The following ZNF506 variants were observed in gnomAD, a reference collection of about 807,000 sequenced individuals.
ZNF506 encodes the protein zinc finger protein 506.
In ZNF506, 10 loss-of-function variants were observed where a neutral mutation model predicts 11.6. That is an observed-to-expected ratio of 0.86 (90% CI 0.53 to 1.46). The LOEUF (loss-of-function observed/expected upper bound fraction) is 1.46. Among genes scored for constraint, ZNF506 ranks in the 40% most tolerant of loss-of-function variants. The probability of loss-of-function intolerance (pLI) is 0.00; values close to 1 mark genes in which losing one functional copy is unlikely to be tolerated. For missense variants in ZNF506, 425 were observed against 521.2 expected (o/e 0.82, Z 1.80); for synonymous variants, 156 against 173.3 (o/e 0.90, Z 0.78).
intron 1 of ZNF506, among the ~76,000 whole-genome samples, chr19:19,814,770 T>C (rs79542799): frequency 0.019 from 2,876 of 152,064 alleles, 96 homozygotes; most frequent in African/African-American, 0.065. Context: ...TTGGTACAGA[T>C]AGTGGTCCCA....
At position 19,794,065 on chromosome 19, in the gene ZNF506, T is replaced by A. The variant is rs2062716715; in HGVS notation, c.*487A>T. 1 of 156,466 alleles carries A rather than the reference T, an allele frequency of 6.4e-6. No homozygotes were observed. Among genetic ancestry groups the A allele is most frequent in the East Asian group, 1.9e-4 (1 of 5,238 alleles). 9.7% of individuals were successfully genotyped at this position (156,466 alleles called of 1,614,324 possible). ...TGGCTCATGCCTGTCATCTCAGCAC[T>A]TTAGGATGCCGAGGTGGGTGGACCA... On this transcript the variant is annotated 3_prime_UTR_variant, in exon 4 of 4. Coordinates refer to ENST00000540806, the MANE Select transcript of ZNF506 (RefSeq NM_001099269.3).
At chr19:19,810,918 G>T (rs1370372836) in intron 1 of ZNF506, among the ~76,000 whole-genome samples, 1 of 152,170 alleles carries the variant, frequency 6.6e-6, no homozygotes, top group East Asian at 1.9e-4. Context: ...TCCATGGTAG[G>T]GTCAGAACTA....
chr19:19,796,355 C>G (rs1219265752), intron 3 of ZNF506: 2 of 152,208 alleles, frequency 1.3e-5, no homozygotes, highest in South Asian at 4.2e-4. Context: ...TTGGCACATA[C>G]ATCTTTATTT....
intron 1 of ZNF506, among the ~76,000 whole-genome samples, chr19:19,808,285 G>T (rs905648802): frequency 6.6e-6 from 1 of 150,616 alleles, no homozygotes; most frequent in Non-Finnish European, 1.5e-5. Context: ...CACCAGGCCC[G>T]GCTAATTTTT....
In ZNF506 at chr19:19,793,495, T is replaced by C. The variant is rs1372233246; in HGVS notation, c.*1057A>G. Among the ~76,000 whole-genome samples, 1 of 152,206 alleles carries C rather than the reference T, an allele frequency of 6.6e-6. No homozygotes were observed. The highest frequency in any genetic ancestry group is 1.5e-5 in the Non-Finnish European group (1 of 68,034). ...AAGCTGGAGCAACTGCTTCAGGTTT[T>C]CCTCTAGTACACAATGTGTGCAACA... On this transcript the variant is annotated 3_prime_UTR_variant, in exon 4 of 4. Transcript: ENST00000540806.
rs1039193342 is a variant in ZNF506, at chr19:19,800,384, T to TA, written c.227-4725dup. Among the ~76,000 whole-genome samples, 158 of 97,260 alleles carry TA rather than the reference T, an allele frequency of 1.6e-3. 3 individuals carry two copies. Among genetic ancestry groups the TA allele is most frequent in the African/African-American group, 5.7e-3 (144 of 25,388 alleles). The allele number at this position is 97,260 out of a possible 152,430, so 63.8% of individuals were successfully genotyped here. On this transcript the variant is annotated intron_variant, in intron 3 of 3. Coordinates refer to ENST00000540806, the MANE Select transcript of ZNF506 (RefSeq NM_001099269.3). ...AATATGTCAACATAATTAATATAACTAAACAGAATATATATATATATATAT... is the reference window on the plus strand; with the variant it reads ...AATATGTCAACATAATTAATATAACTAAAACAGAATATATATATATATATAT...
At chr19:19,805,801 C>T (rs2062831219) in intron 3 of ZNF506, among the ~76,000 whole-genome samples, 2 of 151,546 alleles carry the variant, frequency 1.3e-5, no homozygotes, top group African/African-American at 4.9e-5. Context: ...GAAGGAAGCT[C>T]ACCGAAAGAA....
In ZNF506 at chr19:19,795,442, C is replaced by G; in HGVS notation, c.445G>C (p.Glu149Gln). The G allele has an allele frequency of 6.3e-7, 1 of 1,595,836 alleles. No homozygotes were observed. Among genetic ancestry groups the G allele is most frequent in the Non-Finnish European group, 8.5e-7 (1 of 1,173,156 alleles). ...AATTTATGCAAGAATTTCACATATTCATCACATTGAAATATTTTTCTCTGG... is the reference window on the plus strand; with the variant it reads ...AATTTATGCAAGAATTTCACATATTGATCACATTGAAATATTTTTCTCTGG... ...TTQRKIFQCD[E>Q]YVKFLHKFSN... is the part of the protein sequence containing the mutation. Residue 149 changes from glutamate (E) to glutamine (Q), a missense_variant, in exon 4 of 4, where the codon GAA becomes CAA. Coordinates refer to ENST00000540806, the MANE Select transcript of ZNF506 (RefSeq NM_001099269.3).
At position 19,792,968 on chromosome 19, in the gene ZNF506, T is replaced by C. The variant is rs1208914559; in HGVS notation, c.*1584A>G. Among the ~76,000 whole-genome samples, 4 of 152,198 alleles carry C rather than the reference T, an allele frequency of 2.6e-5. No homozygotes were observed. Among genetic ancestry groups the C allele is most frequent in the Admixed American group, 6.5e-5 (1 of 15,280 alleles). ...ACATTTTAATGTCCTTATTCTTTTATAGAAAAGGTCATAATACCCAATAAA... is the reference window on the plus strand; with the variant it reads ...ACATTTTAATGTCCTTATTCTTTTACAGAAAAGGTCATAATACCCAATAAA... On this transcript the variant is annotated 3_prime_UTR_variant, in exon 4 of 4. Transcript: ENST00000540806.
intron 3 of ZNF506, among the ~76,000 whole-genome samples, chr19:19,801,402 G>A (rs2062791170): frequency 6.6e-6 from 1 of 151,746 alleles, no homozygotes; most frequent in East Asian, 1.9e-4. Flanking sequence ...AGCTAAGGCA[G>A]AAGAATCGCT....
At chr19:19,810,849 G>C (rs1362119887) in intron 1 of ZNF506, among the ~76,000 whole-genome samples, 1 of 152,172 alleles carries the variant, frequency 6.6e-6, no homozygotes, top group African/African-American at 2.4e-5. Flanking sequence ...CTCTAGAAAT[G>C]CAGTAGGATT....
In ZNF506 at chr19:19,795,074, G is replaced by A; in HGVS notation, c.813C>T (p.Thr271=). ...TATGAATTTTCTTATGTGAAAAAAG[G>A]GTTGCAGGGTGGTTAAAAGCTTTGC... ...ECGKAFNHPA[T]LFSHKKIHTG... Residue 271 remains threonine (T), a synonymous_variant, in exon 4 of 4, where the codon ACC becomes ACT. Coordinates refer to ENST00000540806, the MANE Select transcript of ZNF506 (RefSeq NM_001099269.3). 1.2e-6 allele frequency: 2 copies of A among 1,613,742 alleles called. No homozygotes were observed. Among genetic ancestry groups the A allele is most frequent in the South Asian group, 1.1e-5 (1 of 91,056 alleles).
rs1159638806 is a variant in ZNF506 at position 19,794,751 on chromosome 19, G to C, written c.1136C>G (p.Thr379Ser). 1.2e-6 allele frequency: 2 copies of C among 1,611,720 alleles called. No individual in the cohort carries two copies. Among genetic ancestry groups the C allele is most frequent in the Non-Finnish European group, 1.7e-6 (2 of 1,179,266 alleles). ...YKCEECGKAF[T>S]AFSTLTEHKI... ...ATGTTCAGTTAGAGTTGAGAATGCA[G>C]TAAAGGCTTTGCCACATTCTTCACA... The change falls in exon 4 of 4, where the codon ACT (threonine) becomes AGT (serine). Residue 379 changes from threonine to serine, a missense_variant. Physicochemically the swap from Thr to Ser is moderately conservative, Grantham distance 58 (BLOSUM62 1). This residue lies in a region of ZNF506 where 192 missense variants were observed against 215.7 expected (regional missense o/e 0.89). Coordinates refer to ENST00000540806, the MANE Select transcript of ZNF506 (RefSeq NM_001099269.3).
At position 19,794,377 on chromosome 19, in the gene ZNF506, G is replaced by T; in HGVS notation, c.*175C>A. The stretch of plus-strand genomic sequence containing the variant: ...TATTCTTCACACTTGTAGGGTTTCT[G>T]TCCAGTATAAATTATGTGTAATAAG... On this transcript the variant is annotated 3_prime_UTR_variant, in exon 4 of 4. Transcript: ENST00000540806. 1.7e-6 allele frequency: 1 copy of T among 588,968 alleles called. No individual in the cohort carries two copies. The highest frequency in any genetic ancestry group is 2.9e-6 in the Non-Finnish European group (1 of 347,470). The allele number at this position is 588,968 out of a possible 1,614,324, so 36.5% of individuals were successfully genotyped here. A position where few individuals can be genotyped will look rare whatever the true frequency, so the allele number is the denominator to read the frequency against.
intron 1 of ZNF506, among the ~76,000 whole-genome samples, chr19:19,814,010 T>G (rs1491001230): frequency 6.6e-6 from 1 of 151,760 alleles, no homozygotes; most frequent in East Asian, 1.9e-4. Context: ...AAAGATTTAG[T>G]AAAAACAAAA....
chr19:19,815,065 G>A (rs564269466), intron 1 of ZNF506, among the ~76,000 whole-genome samples: 20 of 152,198 alleles, frequency 1.3e-4, no homozygotes, highest in Middle Eastern at 6.8e-3. Context: ...AGACCATCCT[G>A]GCTAACATGG....
chr19:19,810,945 G>A (rs1335665219), intron 1 of ZNF506, among the ~76,000 whole-genome samples: 2 of 151,148 alleles, frequency 1.3e-5, no homozygotes, highest in African/African-American at 4.9e-5. Flanking sequence ...CTCCAAAAAG[G>A]GTGAATCTGA....
At chr19:19,816,835 TTTGAGGGGAGTTTTGCTC>T (rs2062936427) in intron 1 of ZNF506, among the ~76,000 whole-genome samples, 1 of 144,560 alleles carries the variant, frequency 6.9e-6, no homozygotes, top group African/African-American at 2.6e-5. Context: ...TTTTTTTTTT[TTTGAGGGGAGTTTTGCTC>T]TTGTTGCCCA....
chr19:19,814,392 G>C (rs1449853603), intron 1 of ZNF506, among the ~76,000 whole-genome samples: 5 of 101,968 alleles, frequency 4.9e-5, no homozygotes, highest in African/African-American at 1.4e-4. Flanking sequence ...TGGGCAGCAA[G>C]TGCAAAACTC....
Sources: allele counts gnomAD v4.1 joint callset (sites outside exome capture counted in the v4.1 genomes callset), GRCh38; gene constraint gnomAD v4.1.1; regional missense constraint gnomAD v4.1.1; transcripts MANE v1.5; gene names NCBI Gene and HGNC (gene_info 2026-07-23, HGNC 2026-07-21).